The following PTGS1 variants were observed in gnomAD, a reference collection of about 807,000 sequenced individuals.
The protein encoded by PTGS1 is prostaglandin-endoperoxide synthase 1.
A neutral mutation model predicts 63.0 loss-of-function variants in PTGS1; 40 were observed. That is an observed-to-expected ratio of 0.63 (90% CI 0.49 to 0.83). PTGS1 has a LOEUF of 0.83. PTGS1 is among the 40% of genes least tolerant of loss of function. The pLI, the probability that PTGS1 is intolerant of heterozygous loss-of-function variation, is 0.00. For synonymous variants in PTGS1, 298 were observed against 301.9 expected, an observed-to-expected ratio of 0.99 and a Z score of 0.13; for missense variants, 709 against 786.5, an observed-to-expected ratio of 0.90 and a Z score of 1.18.
At chr9:122,386,180 T>C (rs1235388667) in intron 8 of PTGS1, among the ~76,000 whole-genome samples, 2 of 150,346 alleles carry the variant, frequency 1.3e-5, no homozygotes, top group Admixed American at 1.3e-4. Context: ...GGTACACCTG[T>C]GGTCCCAGCT....
At position 122,372,137 on chromosome 9, in the gene PTGS1, G is replaced by A. The variant is rs10306120; in HGVS notation, c.94+865G>A. ...TGAGCATGTGTCCCAGTTGGATATA[G>A]TTTCCTCCACCACCTAGCTGTGTAA... On this transcript the variant is annotated intron_variant, in intron 2 of 10. Transcript: ENST00000362012. Among the ~76,000 whole-genome samples the A allele has an allele frequency of 8.4e-3, 1,274 of 152,272 alleles. 18 individuals carry two copies. The highest frequency in any genetic ancestry group is 0.028 in the African/African-American group (1,167 of 41,546).
At chr9:122,374,084 G>A (rs1420056152) in intron 2 of PTGS1, among the ~76,000 whole-genome samples, 1 of 152,072 alleles carries the variant, frequency 6.6e-6, no homozygotes, top group Non-Finnish European at 1.5e-5. Context: ...CCCTTGGAAA[G>A]GTCCTGGAAC....
intron 2 of PTGS1, chr9:122,371,773 C>G: frequency 1.3e-6 from 2 of 1,533,708 alleles, no homozygotes; most frequent in East Asian, 4.9e-5. Flanking sequence ...CATTTAGGAG[C>G]CGGGATGCTT....
chr9:122,373,193 T>G (rs1836913209), intron 2 of PTGS1, among the ~76,000 whole-genome samples: 2 of 151,978 alleles, frequency 1.3e-5, no homozygotes, highest in South Asian at 4.1e-4. Flanking sequence ...GTTGGATGCG[T>G]AATGTGGGGA....
At position 122,392,274 on chromosome 9, in the gene PTGS1, G is replaced by T; in HGVS notation, c.1530G>T (p.Lys510Asn). The change falls in exon 11 of 11, where the codon AAG becomes AAT. Residue 510 changes from lysine (K) to asparagine (N), a missense_variant. Lys to Asn is a moderately conservative substitution (Grantham distance 94). Transcript: ENST00000362012. ...LEFYPGLLLE[K>N]CHPNSIFGES... The stretch of plus-strand genomic sequence containing the variant: ...TCTACCCTGGACTGCTTCTTGAAAA[G>T]TGCCATCCAAACTCTATCTTTGGGG... 6.2e-7 allele frequency: 1 copy of T among 1,613,682 alleles called. No individual in the cohort carries two copies. Among genetic ancestry groups the T allele is most frequent in the Non-Finnish European group, 8.5e-7 (1 of 1,179,634 alleles).
intron 2 of PTGS1, among the ~76,000 whole-genome samples, chr9:122,375,769 A>G (rs1264292315): frequency 2.6e-5 from 4 of 152,060 alleles, no homozygotes; most frequent in Non-Finnish European, 4.4e-5. Flanking sequence ...TGGATGAAGG[A>G]TGGAGATGCT....
rs142469463 is a variant in PTGS1, at chr9:122,392,935, T to G, written c.*391T>G. The G allele has an allele frequency of 3.8e-4, 68 of 177,986 alleles. No individual in the cohort carries two copies. In the East Asian group the frequency reaches 6.9e-3, roughly 18 times the overall value. 11.0% of individuals were successfully genotyped at this position (177,986 alleles called of 1,614,324 possible). The stretch of plus-strand genomic sequence containing the variant: ...CATTCCAGAATCTTGACTTTCTGAT[T>G]GGTGATTCAAAGTGTTGTGTTCCTG... On this transcript the variant is annotated 3_prime_UTR_variant, in exon 11 of 11. Transcript: ENST00000362012.
Position 122,377,915 on chromosome 9 carries a change from C to G in PTGS1, c.111C>G (p.Tyr37Ter), listed in dbSNP as rs146798706. Residue 37 changes from tyrosine to a stop codon, truncating the protein, a stop_gained, in exon 3 of 11, where the codon TAC (tyrosine) becomes TAG (stop). Coordinates refer to ENST00000362012, the MANE Select transcript of PTGS1 (RefSeq NM_000962.4). LOFTEE classifies it high-confidence loss of function. ...GAPTPVNPCC[Y>*]YPCQHQGICV... ...CACCCACAGTGAATCCCTGTTGTTACTATCCATGCCAGCACCAGGGCATCT... is the reference window on the plus strand; with the variant it reads ...CACCCACAGTGAATCCCTGTTGTTAGTATCCATGCCAGCACCAGGGCATCT... 4 of 1,614,094 alleles carry G rather than the reference C, an allele frequency of 2.5e-6. No individual in the cohort carries two copies. The highest frequency in any genetic ancestry group is 3.4e-6 in the Non-Finnish European group (4 of 1,179,998).
intron 8 of PTGS1, 33 bp downstream of exon 8, chr9:122,383,788 G>A: frequency 1.9e-6 from 3 of 1,590,748 alleles, no homozygotes; most frequent in Non-Finnish European, 2.6e-6. Flanking sequence ...GCCCTGGAAG[G>A]TCATTCCCTC....
chr9:122,383,505 A>G lies in PTGS1; in HGVS notation c.763-4A>G. On this transcript the variant is annotated splice_polypyrimidine_tract_variant and splice_region_variant and intron_variant, in intron 7 of 10. Coordinates refer to ENST00000362012, the MANE Select transcript of PTGS1 (RefSeq NM_000962.4). ...CCAGGTTGCCAGGTGGCCCCATCCC[A>G]CAGGTGCTGGATGGAGAAATGTACC... 6.3e-7 allele frequency: 1 copy of G among 1,594,960 alleles called. No homozygotes were observed. The highest frequency in any genetic ancestry group is 8.6e-7 in the Non-Finnish European group (1 of 1,164,992).
intron 8 of PTGS1, among the ~76,000 whole-genome samples, chr9:122,385,145 A>T (rs958276854): frequency 1.3e-5 from 2 of 152,090 alleles, no homozygotes; most frequent in Non-Finnish European, 2.9e-5. Flanking sequence ...TTTAGTAGAG[A>T]CAGGGTTTTG....
chr9:122,385,709 C>T (rs916144619), intron 8 of PTGS1, among the ~76,000 whole-genome samples: 4 of 152,024 alleles, frequency 2.6e-5, no homozygotes, highest in African/African-American at 9.7e-5. Context: ...TTGAAGTCCC[C>T]CTCTATCACC....
At chr9:122,376,860 G>A (rs1304153412) in intron 2 of PTGS1, among the ~76,000 whole-genome samples, 1 of 152,152 alleles carries the variant, frequency 6.6e-6, no homozygotes, top group Admixed American at 6.5e-5. Flanking sequence ...TGAACCTGAG[G>A]AGTCTGTAAC....
At chr9:122,388,464 T>G (rs1838013058) in intron 9 of PTGS1, among the ~76,000 whole-genome samples, 1 of 152,218 alleles carries the variant, frequency 6.6e-6, no homozygotes, top group Non-Finnish European at 1.5e-5. Context: ...CCCATTTAAA[T>G]TGACCACAGC....
At chr9:122,391,372 CAT>C (rs5900523) in intron 10 of PTGS1, among the ~76,000 whole-genome samples, 12,024 of 84,202 alleles carry the variant, frequency 0.14, 851 homozygotes, top group East Asian at 0.37. Context: ...TATATATATA[CAT>C]ATATATATAT....
At chr9:122,384,237 A>C (rs1417752323) in intron 8 of PTGS1, among the ~76,000 whole-genome samples, 1 of 152,096 alleles carries the variant, frequency 6.6e-6, no homozygotes, top group East Asian at 1.9e-4. Context: ...ACTCAGGGAC[A>C]GGATATTTTT....
chr9:122,376,062 C>T (rs1837132719), intron 2 of PTGS1, among the ~76,000 whole-genome samples: 1 of 152,040 alleles, frequency 6.6e-6, no homozygotes, highest in Non-Finnish European at 1.5e-5. Flanking sequence ...GTGACAAGTC[C>T]TTTCTTGGGG....
chr9:122,378,559 G>T lies in PTGS1; in HGVS notation c.338G>T (p.Arg113Leu), dbSNP rs775618916. 3.7e-6 allele frequency: 6 copies of T among 1,614,134 alleles called. No homozygotes were observed. Among genetic ancestry groups the T allele is most frequent in the African/African-American group, 1.3e-5 (1 of 74,946 alleles). ...ACCTTCATCCGAGAGATGCTCATGC[G>T]CCTGGTACTCACAGGTGGGTGTGGG... ...NATFIREMLM[R>L]LVLTVRSNLI... The change falls in exon 4 of 11, where the codon CGC becomes CTC. Residue 113 changes from arginine to leucine, a missense_variant. Transcript: ENST00000362012.
In PTGS1 at chr9:122,387,990, G is replaced by T. The variant is rs565372618; in HGVS notation, c.1296+1258G>T. ...AAATTAGCATTTGCTGCCCCGGTGG[G>T]CAGCTGCTGGCTGCTTTATGGCCTC... is the stretch of plus-strand genomic sequence containing the variant. On this transcript the variant is annotated intron_variant, in intron 9 of 10. Transcript: ENST00000362012. Among the ~76,000 whole-genome samples the T allele has an allele frequency of 1.8e-4, 28 of 152,290 alleles. No individual in the cohort carries two copies. The East Asian group carries it at 5.4e-3, about 29-fold the overall frequency.
Sources: gnomAD v4.1 joint callset for allele counts (sites outside exome capture counted in the v4.1 genomes callset) on GRCh38, gnomAD v4.1.1 for gene constraint, MANE v1.5 for transcripts, NCBI Gene and HGNC (gene_info 2026-07-23, HGNC 2026-07-21) for gene names.